AASDHPPT: variants seen among roughly 807,000 people sequenced by gnomAD.
The protein encoded by AASDHPPT is aminoadipate-semialdehyde dehydrogenase-phosphopantetheinyl transferase, also known as L-aminoadipate-semialdehyde dehydrogenase-phosphopantetheinyl transferase.
Under a neutral mutation model 36.4 loss-of-function variants are expected in AASDHPPT, and 23 were observed. The observed-to-expected ratio is 0.63, with a 90% CI of 0.45 to 0.89. The LOEUF (loss-of-function observed/expected upper bound fraction) is 0.89, where lower values mean the gene tolerates loss of function less well. Among genes scored for constraint, AASDHPPT ranks in the 40% least tolerant of loss-of-function variants. The pLI is 0.00. For missense variants in AASDHPPT, 377 were observed against 378.2 expected (o/e 1.00, Z 0.03); for synonymous variants, 115 against 128.0 (o/e 0.90, Z 0.68).
rs1447289153 is a variant in AASDHPPT, at chr11:106,080,028, A to G, written c.409+336A>G. Among the ~76,000 whole-genome samples the G allele has an allele frequency of 2.6e-5, 4 of 152,270 alleles. No homozygotes were observed. In the South Asian group the frequency reaches 8.3e-4, roughly 32 times the overall value. On this transcript the variant is annotated intron_variant, in intron 2 of 5. Transcript: ENST00000278618. ...TTTTTCAGTTAATTGTTTGTTTTTT[A>G]AAAAAGAATCTGAATAGTAAAGTAC...
At chr11:106,084,309 T>C (rs1861175077) in intron 2 of AASDHPPT, among the ~76,000 whole-genome samples, 1 of 152,220 alleles carries the variant, frequency 6.6e-6, no homozygotes, top group South Asian at 2.1e-4. Flanking sequence ...TATAGTACTC[T>C]ATCCAAAATA....
Position 106,097,746 on chromosome 11 carries a change from A to G in AASDHPPT, c.*839A>G, listed in dbSNP as rs2135047949. 1 of 152,284 alleles carries G rather than the reference A, an allele frequency of 6.6e-6. No homozygotes were observed. The highest frequency in any genetic ancestry group is 1.9e-4 in the East Asian group (1 of 5,184). 9.4% of individuals were successfully genotyped at this position (152,284 alleles called of 1,614,324 possible). On this transcript the variant is annotated 3_prime_UTR_variant, in exon 6 of 6. Transcript: ENST00000278618. Reference sequence around the variant, plus strand: ...TTCCCCTCAGTTTCCATTGACTTAGATCAGGTTACAGAGAAAGGCAATGTC... The same window carrying G: ...TTCCCCTCAGTTTCCATTGACTTAGGTCAGGTTACAGAGAAAGGCAATGTC...
Position 106,096,706 on chromosome 11 carries a change from C to G in AASDHPPT, c.766-37C>G, listed in dbSNP as rs768676700. On this transcript the variant is annotated intron_variant, in intron 5 of 5. Coordinates refer to ENST00000278618, the MANE Select transcript of AASDHPPT (RefSeq NM_015423.3). ...TGAAATTGATCATAAGATTAACATG[C>G]AATATAACAATAAGGTAATCTGCTT... 5 of 1,477,234 alleles carry G rather than the reference C, an allele frequency of 3.4e-6. No homozygotes were observed. In the East Asian group the frequency reaches 1.2e-4, roughly 36 times the overall value. The allele number at this position is 1,477,234 out of a possible 1,614,324, so 91.5% of individuals were successfully genotyped here.
rs1377522235 is a variant in AASDHPPT, at chr11:106,079,427, T to C, written c.184-40T>C. Reference sequence around the variant, plus strand: ...GCATACAGTGTGCTTGTATCTTTAGTAGACATCAGTACATACCAAATGTTT... The same window carrying C: ...GCATACAGTGTGCTTGTATCTTTAGCAGACATCAGTACATACCAAATGTTT... On this transcript the variant is annotated intron_variant, in intron 1 of 5. Coordinates refer to ENST00000278618, the MANE Select transcript of AASDHPPT (RefSeq NM_015423.3). 7 of 1,497,470 alleles carry C rather than the reference T, an allele frequency of 4.7e-6. No individual in the cohort carries two copies. In the Admixed American group the frequency reaches 8.4e-5, roughly 18 times the overall value. 92.8% of individuals were successfully genotyped at this position (1,497,470 alleles called of 1,614,324 possible). A position where few individuals can be genotyped will look rare whatever the true frequency, so the allele number is the denominator to read the frequency against.
At position 106,088,717 on chromosome 11, in the gene AASDHPPT, C is replaced by G. The variant is rs1861224197; in HGVS notation, c.410-1840C>G. 2.6e-5 allele frequency among the ~76,000 whole-genome samples: 4 copies of G among 152,024 alleles called. No individual in the cohort carries two copies. The South Asian group carries it at 8.3e-4, about 31-fold the overall frequency. ...GAGGGGCTTCTATTAATGTTAGTCT[C>G]AGGAAGGTGTTGAGGAGTAAACACC... On this transcript the variant is annotated intron_variant, in intron 2 of 5. Transcript: ENST00000278618.
rs1555077600 is a variant in AASDHPPT at position 106,079,492 on chromosome 11, T to G, written c.209T>G (p.Leu70Ter). Residue 70 changes from leucine (L) to a stop codon, truncating the protein, a stop_gained, in exon 2 of 6, where the codon TTA becomes TGA. Coordinates refer to ENST00000278618, the MANE Select transcript of AASDHPPT (RefSeq NM_015423.3). LOFTEE classifies it high-confidence loss of function. ...GCTGGTCGTCTGATGATAAGGAAAT[T>G]AGTTGCAGAGAAATTGAATATCCCT... Reference protein sequence around the residue: ...AMAGRLMIRKLVAEKLNIPWN... With the variant: ...AMAGRLMIRK 1 of 1,612,274 alleles carries G rather than the reference T, an allele frequency of 6.2e-7. No homozygotes were observed.
At chr11:106,083,042 T>A (rs1861159741) in intron 2 of AASDHPPT, among the ~76,000 whole-genome samples, 1 of 150,740 alleles carries the variant, frequency 6.6e-6, no homozygotes, top group East Asian at 1.9e-4. Flanking sequence ...TTGCTGGACT[T>A]TTTTTTTTAA....
At chr11:106,079,396 A>G (rs573059846) in intron 1 of AASDHPPT, 71 bp from the exon 2 acceptor site, 4 of 1,300,538 alleles carry the variant, frequency 3.1e-6, no homozygotes, top group East Asian at 2.6e-5. Context: ...AAAAAAAAGT[A>G]CTATTGCATA....
At position 106,097,467 on chromosome 11, in the gene AASDHPPT, T is replaced by A. The variant is rs1252543271; in HGVS notation, c.*560T>A. The A allele has an allele frequency of 6.6e-6, 1 of 152,350 alleles. No homozygotes were observed. Among genetic ancestry groups the A allele is most frequent in the African/African-American group, 2.4e-5 (1 of 41,426 alleles). The allele number at this position is 152,350 out of a possible 1,614,324, so 9.4% of individuals were successfully genotyped here. The stretch of plus-strand genomic sequence containing the variant: ...CAGAGGTAACAGTGTCCAAATATAA[T>A]TGGCCTAAGTAACCTAGGAAATTGT... On this transcript the variant is annotated 3_prime_UTR_variant, in exon 6 of 6. Transcript: ENST00000278618.
At chr11:106,096,676 G>T in intron 5 of AASDHPPT, 67 bp from the exon 6 acceptor site, 1 of 1,284,622 alleles carries the variant, frequency 7.8e-7, no homozygotes, top group Non-Finnish European at 1.1e-6. Context: ...TTATTTTCAT[G>T]ATTATGAAAT....
At chr11:106,080,705 G>A (rs1430477408) in intron 2 of AASDHPPT, among the ~76,000 whole-genome samples, 2 of 152,148 alleles carry the variant, frequency 1.3e-5, no homozygotes, top group Admixed American at 6.5e-5. Context: ...TAAGAAGAAA[G>A]CTATTAATAA....
At chr11:106,096,058 C>G (rs1235275555) in intron 5 of AASDHPPT, among the ~76,000 whole-genome samples, 3 of 152,124 alleles carry the variant, frequency 2.0e-5, no homozygotes, top group Non-Finnish European at 4.4e-5. Flanking sequence ...GAATTGTTTG[C>G]TCTTCCTGAG....
chr11:106,098,594 A>C lies in AASDHPPT; in HGVS notation c.*1687A>C, dbSNP rs1158670136. On this transcript the variant is annotated 3_prime_UTR_variant, in exon 6 of 6. Transcript: ENST00000278618. ...AGTAAATAAAGGTCAAGTAGCATTT[A>C]TAATAGAGGAAGTATTGTTATCCCT... 1 of 151,980 alleles carries C rather than the reference A, an allele frequency of 6.6e-6. No homozygotes were observed. The highest frequency in any genetic ancestry group is 1.5e-5 in the Non-Finnish European group (1 of 67,936). The allele number at this position is 151,980 out of a possible 1,614,324, so 9.4% of individuals were successfully genotyped here.
At chr11:106,092,583 G>A (rs554147230) in intron 4 of AASDHPPT, 1 of 152,192 alleles carries the variant, frequency 6.6e-6, no homozygotes, top group South Asian at 2.1e-4. Context: ...TTGAATCTAT[G>A]AAGAGAGAAG....
At chr11:106,090,240 C>G (rs558691810) in intron 2 of AASDHPPT, among the ~76,000 whole-genome samples, 16 of 151,842 alleles carry the variant, frequency 1.1e-4, no homozygotes, top group Non-Finnish European at 2.2e-4. Flanking sequence ...TAAATTTTAT[C>G]AAAACTTTTT....
intron 2 of AASDHPPT, among the ~76,000 whole-genome samples, chr11:106,085,117 T>C (rs1172250976): frequency 6.6e-6 from 1 of 152,114 alleles, no homozygotes; most frequent in Non-Finnish European, 1.5e-5. Flanking sequence ...TGTTTGTTTT[T>C]TTTTGAGACA....
chr11:106,088,422 A>G (rs922020038), intron 2 of AASDHPPT, among the ~76,000 whole-genome samples: 7 of 152,130 alleles, frequency 4.6e-5, no homozygotes, highest in Non-Finnish European at 8.8e-5. Context: ...TTAAAACTAC[A>G]GTTTCACTCA....
chr11:106,093,067 A>G (rs1025622809), intron 4 of AASDHPPT: 3 of 152,194 alleles, frequency 2.0e-5, no homozygotes, highest in African/African-American at 4.8e-5. Context: ...CCAAAATGGT[A>G]TAAGAGAGTA....
chr11:106,094,555 C>T, intron 4 of AASDHPPT, 28 bp from the exon 5 acceptor site: 1 of 1,515,124 alleles, frequency 6.6e-7, no homozygotes, highest in Non-Finnish European at 9.0e-7. Flanking sequence ...ATTTTATAAT[C>T]TATATTTATT....
Sources: allele counts gnomAD v4.1 joint callset (sites outside exome capture counted in the v4.1 genomes callset), GRCh38; gene constraint gnomAD v4.1.1; transcripts MANE v1.5; gene names NCBI Gene and HGNC (gene_info 2026-07-23, HGNC 2026-07-21).